Variants in SAMD4A observed in about 807,000 individuals in gnomAD.
SAMD4A encodes the protein sterile alpha motif domain containing 4A, also known as protein Smaug homolog 1.
A neutral mutation model predicts 81.3 loss-of-function variants in SAMD4A; 33 were observed. The ratio of observed to expected loss-of-function variants is 0.41; its 90% CI spans 0.31 to 0.54. The LOEUF is 0.54. Among genes scored for constraint, SAMD4A ranks in the 20% least tolerant of loss-of-function variants. The pLI is 0.37. For synonymous variants in SAMD4A, 389 were observed against 382.1 expected (o/e 1.02, Z -0.21); for missense variants, 854 against 951.1 (o/e 0.90, Z 1.34).
chr14:54,660,213 AT>A (rs1305783085), intron 2 of SAMD4A, among the ~76,000 whole-genome samples: 6 of 152,116 alleles, frequency 3.9e-5, no homozygotes, highest in Non-Finnish European at 8.8e-5. Context: ...AACTTGCCTT[AT>A]TTCCTTTCAT....
intron 3 of SAMD4A, among the ~76,000 whole-genome samples, chr14:54,712,572 GTT>G (rs981660686): frequency 1.3e-5 from 2 of 152,116 alleles, no homozygotes; most frequent in African/African-American, 4.8e-5. Context: ...TCCTTCTCCT[GTT>G]TCCAAGAGTC....
chr14:54,687,353 G>A, intron 2 of SAMD4A: 1 of 456,648 alleles, frequency 2.2e-6, no homozygotes, highest in Admixed American at 2.3e-5. Context: ...ACCAGGAAGG[G>A]TGGTGTGTGG....
intron 6 of SAMD4A, among the ~76,000 whole-genome samples, chr14:54,758,090 C>T (rs552931942): frequency 1.9e-4 from 29 of 149,292 alleles, no homozygotes; most frequent in East Asian, 6.0e-4. Context: ...GTGGCAGACG[C>T]GAAACTCTCC....
chr14:54,631,710 C>T (rs1305617217), intron 2 of SAMD4A, among the ~76,000 whole-genome samples: 1 of 152,178 alleles, frequency 6.6e-6, no homozygotes, highest in Non-Finnish European at 1.5e-5. Context: ...CTAAATCTCT[C>T]CTGCTTTTTA....
intron 2 of SAMD4A, among the ~76,000 whole-genome samples, chr14:54,684,628 A>C (rs1314429405): frequency 1.0e-4 from 1 of 9,664 alleles, no homozygotes; most frequent in Non-Finnish European, 3.4e-4. Context: ...CCCCCCAACC[A>C]GAAACGGGAA....
intron 12 of SAMD4A, among the ~76,000 whole-genome samples, chr14:54,787,783 A>T (rs1594947137): frequency 6.6e-6 from 1 of 152,164 alleles, no homozygotes; most frequent in South Asian, 2.1e-4. Flanking sequence ...TCCACCTGCC[A>T]CCAGCCTTAT....
intron 8 of SAMD4A, among the ~76,000 whole-genome samples, chr14:54,767,923 T>C (rs1414710607): frequency 2.0e-5 from 3 of 152,288 alleles, no homozygotes; most frequent in Admixed American, 6.5e-5. Context: ...TCTGCAGCCC[T>C]GAAGGAAAGG....
chr14:54,759,351 T>G (rs1257540368), intron 6 of SAMD4A, among the ~76,000 whole-genome samples: 1 of 152,210 alleles, frequency 6.6e-6, no homozygotes, highest in Non-Finnish European at 1.5e-5. Context: ...GCCTCCTTGC[T>G]GTTCCTCAGA....
At chr14:54,640,637 G>A (rs1268632456) in intron 2 of SAMD4A, among the ~76,000 whole-genome samples, 2 of 152,122 alleles carry the variant, frequency 1.3e-5, no homozygotes, top group Non-Finnish European at 2.9e-5. Context: ...CTGCTCACGG[G>A]AATGGCGCTG....
At chr14:54,611,686 G>A (rs2034359632) in intron 2 of SAMD4A, among the ~76,000 whole-genome samples, 1 of 152,018 alleles carries the variant, frequency 6.6e-6, no homozygotes, top group Admixed American at 6.6e-5. Flanking sequence ...AGACCAGCCT[G>A]GATAACATGG....
At chr14:54,652,580 A>G (rs1237946749) in intron 2 of SAMD4A, 2 of 152,262 alleles carry the variant, frequency 1.3e-5, no homozygotes, top group East Asian at 1.9e-4. Context: ...CACGTCCATT[A>G]TCTTATTGAC....
At chr14:54,615,049 T>C (rs1489204565) in intron 2 of SAMD4A, among the ~76,000 whole-genome samples, 1 of 152,180 alleles carries the variant, frequency 6.6e-6, no homozygotes, top group East Asian at 1.9e-4. Flanking sequence ...GAAGAGGAGA[T>C]GGCTGAGAAG....
upstream of SAMD4A, among the ~76,000 whole-genome samples, chr14:54,566,582 C>T (rs1354763804): frequency 1.3e-5 from 2 of 151,744 alleles, no homozygotes; most frequent in Non-Finnish European, 2.9e-5. Context: ...CCGCATTCCC[C>T]GCGGGGCCGC....
At chr14:54,782,877 T>C (rs1045908206) in intron 11 of SAMD4A, among the ~76,000 whole-genome samples, 6 of 152,218 alleles carry the variant, frequency 3.9e-5, no homozygotes, top group Admixed American at 6.5e-5. Context: ...CACTTCTCTT[T>C]CTTCTCTCTC....
Position 54,702,082 on chromosome 14 carries a change from C to T in SAMD4A, c.217C>T (p.Gln73Ter). 1 of 1,614,040 alleles carries T rather than the reference C, an allele frequency of 6.2e-7. No homozygotes were observed. Among genetic ancestry groups the T allele is most frequent in the Non-Finnish European group, 8.5e-7 (1 of 1,179,926 alleles). ...TTCAGGAATCATTAACCAATGGCAA[C>T]AGGAATCCAAGGATAAAGTGATTTC... is the stretch of plus-strand genomic sequence containing the variant. The part of the protein sequence containing the change: ...NSPGIINQWQ[Q>*]ESKDKVISLL... Residue 73 changes from glutamine (Q) to a stop codon, truncating the protein, a stop_gained, in exon 3 of 13, where the codon CAG becomes TAG. Transcript: ENST00000554335. LOFTEE classifies it high-confidence loss of function.
chr14:54,607,914 G>T (rs2034256018), intron 2 of SAMD4A, among the ~76,000 whole-genome samples: 1 of 151,382 alleles, frequency 6.6e-6, no homozygotes, highest in Non-Finnish European at 1.5e-5. Flanking sequence ...TACTCGGGAG[G>T]CTGAGGCAGG....
intron 11 of SAMD4A, among the ~76,000 whole-genome samples, chr14:54,777,186 T>A (rs1384154804): frequency 6.6e-6 from 1 of 152,076 alleles, no homozygotes; most frequent in Non-Finnish European, 1.5e-5. Flanking sequence ...ACACTGCACC[T>A]ATCTGGATGG....
intron 3 of SAMD4A, 26 bp downstream of exon 3, chr14:54,702,606 G>C: frequency 6.2e-7 from 1 of 1,609,324 alleles, no homozygotes; most frequent in Middle Eastern, 1.7e-4. Context: ...TCCCTTTAAC[G>C]TAGTCTGGTT....
At chr14:54,701,812 T>G (rs2036726227) in intron 2 of SAMD4A, among the ~76,000 whole-genome samples, 2 of 152,188 alleles carry the variant, frequency 1.3e-5, no homozygotes, top group African/African-American at 4.8e-5. Flanking sequence ...AGTTGTAGCT[T>G]TTTTGGAAAC....
Sources: gnomAD v4.1 joint callset for allele counts (sites outside exome capture counted in the v4.1 genomes callset) on GRCh38, gnomAD v4.1.1 for gene constraint, MANE v1.5 for transcripts, NCBI Gene and HGNC (gene_info 2026-07-23, HGNC 2026-07-21) for gene names.